CNTNAP2: variants seen among roughly 807,000 people sequenced by gnomAD.
CNTNAP2 encodes contactin associated protein 2, also known as contactin-associated protein-like 2.
Under a neutral mutation model 155.2 loss-of-function variants are expected in CNTNAP2, and 98 were observed. That is an observed-to-expected ratio of 0.63 (90% confidence interval 0.54 to 0.75). The LOEUF is 0.75. Among genes scored for constraint, CNTNAP2 ranks in the 30% least tolerant of loss-of-function variants. The pLI is 0.00. For missense variants in CNTNAP2, 1,727 were observed against 1,688.1 expected, an observed-to-expected ratio of 1.02 and a Z score of -0.40; for synonymous variants, 651 against 631.2, an observed-to-expected ratio of 1.03 and a Z score of -0.47.
chr7:146,787,648 C>A (rs10232105), intron 2 of CNTNAP2, among the ~76,000 whole-genome samples: 26,946 of 152,002 alleles, frequency 0.18, 2,548 homozygotes, highest in South Asian at 0.28. Context: ...CAAACCTTCC[C>A]CCGCGCATGA....
chr7:146,753,285 G>T lies in CNTNAP2; in HGVS notation c.98-20986G>T, dbSNP rs777750701. Among the ~76,000 whole-genome samples, 80 of 151,862 alleles carry T rather than the reference G, an allele frequency of 5.3e-4. 1 individual carries two copies. Among genetic ancestry groups the T allele is most frequent in the Non-Finnish European group, 1.1e-3 (75 of 67,910 alleles). On this transcript the variant is annotated intron_variant, in intron 1 of 23. Coordinates refer to ENST00000361727, the MANE Select transcript of CNTNAP2 (RefSeq NM_014141.6). Reference sequence around the variant, plus strand: ...ACTCAGGAAAAAAAATAGACCAGGTGAGGTTTCCTTACACATTATCCATGC... The same window carrying T: ...ACTCAGGAAAAAAAATAGACCAGGTTAGGTTTCCTTACACATTATCCATGC...
At chr7:146,854,711 G>T (rs762909418) in intron 3 of CNTNAP2, among the ~76,000 whole-genome samples, 2 of 152,130 alleles carry the variant, frequency 1.3e-5, no homozygotes, top group East Asian at 3.9e-4. Flanking sequence ...GATGAAGAGG[G>T]TATTTCTAAA....
rs142143240 is a variant in CNTNAP2 at position 147,092,461 on chromosome 7, C to A, written c.551-15686C>A. 1.1e-4 allele frequency among the ~76,000 whole-genome samples: 16 copies of A among 152,202 alleles called. No individual in the cohort carries two copies. In the East Asian group the frequency reaches 2.9e-3, roughly 28 times the overall value. ...AGAGAAATTCAAGCTATAAATTGTA[C>A]AAAATAATATCTAAAATTCTTATAG... On this transcript the variant is annotated intron_variant, in intron 4 of 23. Transcript: ENST00000361727.
At chr7:146,537,258 ACTGT>A (rs1335544556) in intron 1 of CNTNAP2, among the ~76,000 whole-genome samples, 1 of 152,132 alleles carries the variant, frequency 6.6e-6, no homozygotes, top group Non-Finnish European at 1.5e-5. Context: ...ACACAGAATT[ACTGT>A]CTATTATTAT....
intron 11 of CNTNAP2, among the ~76,000 whole-genome samples, chr7:147,523,943 A>G (rs1799272610): frequency 6.6e-6 from 1 of 152,174 alleles, no homozygotes; most frequent in Admixed American, 6.5e-5. Flanking sequence ...CGGAGGTCAA[A>G]CAGTTTCCTC....
At chr7:147,923,328 C>T (rs1408565044) in intron 14 of CNTNAP2, among the ~76,000 whole-genome samples, 1 of 152,044 alleles carries the variant, frequency 6.6e-6, no homozygotes, top group African/African-American at 2.4e-5. Context: ...CAGGGACAGA[C>T]ACACATGGAG....
chr7:147,657,060 G>A (rs975925384), intron 13 of CNTNAP2, among the ~76,000 whole-genome samples: 1 of 152,202 alleles, frequency 6.6e-6, no homozygotes, highest in Non-Finnish European at 1.5e-5. Flanking sequence ...TACTCAAAAT[G>A]TCCCTGAAGT....
chr7:146,194,122 GTCT>G (rs1298605077), intron 1 of CNTNAP2, among the ~76,000 whole-genome samples: 3 of 152,094 alleles, frequency 2.0e-5, no homozygotes, highest in Admixed American at 2.0e-4. Context: ...ACATTTTCCT[GTCT>G]TCTTCTGAGC....
At chr7:147,027,004 G>GAAAAAAAAAAAAAAAAAAAAAAA (rs57810224) in intron 3 of CNTNAP2, among the ~76,000 whole-genome samples, 9 of 67,406 alleles carry the variant, frequency 1.3e-4, no homozygotes, top group African/African-American at 2.4e-4. Flanking sequence ...AAACAGAACA[G>GAAAAAAAAAAAAAAAAAAAAAAA]AAAAAAAAAA....
At chr7:148,307,363 A>T (rs979886308) in intron 21 of CNTNAP2, among the ~76,000 whole-genome samples, 2 of 151,958 alleles carry the variant, frequency 1.3e-5, no homozygotes, top group African/African-American at 2.4e-5. Flanking sequence ...TCCAGTGGAA[A>T]CTCTTGCCAT....
chr7:147,426,709 T>C (rs1797383279), intron 10 of CNTNAP2, among the ~76,000 whole-genome samples: 1 of 152,180 alleles, frequency 6.6e-6, no homozygotes, highest in African/African-American at 2.4e-5. Context: ...CCCTCATTAA[T>C]CTGTCAGGTT....
chr7:146,544,560 A>AT (rs1334053533), intron 1 of CNTNAP2, among the ~76,000 whole-genome samples: 1 of 151,884 alleles, frequency 6.6e-6, no homozygotes, highest in Admixed American at 6.6e-5. Flanking sequence ...GAATAGTTGT[A>AT]TTTTCCCTTA....
intron 1 of CNTNAP2, among the ~76,000 whole-genome samples, chr7:146,482,378 A>G (rs934091319): frequency 6.8e-6 from 1 of 147,504 alleles, no homozygotes; most frequent in South Asian, 2.1e-4. Context: ...AGAGGGATAT[A>G]TATGTATGTG....
intron 1 of CNTNAP2, among the ~76,000 whole-genome samples, chr7:146,143,033 A>T (rs558466679): frequency 6.6e-6 from 1 of 152,218 alleles, no homozygotes; most frequent in South Asian, 2.1e-4. Flanking sequence ...CTCTCAAATG[A>T]TTTTCCAAAT....
intron 15 of CNTNAP2, among the ~76,000 whole-genome samples, chr7:147,988,371 T>A (rs6950732): frequency 0.27 from 41,617 of 151,928 alleles, 7,730 homozygotes; most frequent in African/African-American, 0.53. Flanking sequence ...GATGCAAAAT[T>A]TCCCCCACAA....
At chr7:146,356,957 G>A (rs1000567580) in intron 1 of CNTNAP2, among the ~76,000 whole-genome samples, 7 of 152,026 alleles carry the variant, frequency 4.6e-5, no homozygotes, top group African/African-American at 1.7e-4. Flanking sequence ...AATTTTGCCA[G>A]TATTTCCCTC....
At chr7:147,785,846 G>A (rs984133325) in intron 13 of CNTNAP2, among the ~76,000 whole-genome samples, 1 of 152,022 alleles carries the variant, frequency 6.6e-6, no homozygotes, top group African/African-American at 2.4e-5. Flanking sequence ...ACAAAAATTA[G>A]CCAGGTGTAG....
intron 12 of CNTNAP2, among the ~76,000 whole-genome samples, chr7:147,610,474 A>G (rs1801161965): frequency 6.6e-6 from 1 of 152,184 alleles, no homozygotes; most frequent in Admixed American, 6.5e-5. Context: ...GCTGTTCTCC[A>G]GGTGCCCTCA....
intron 1 of CNTNAP2, among the ~76,000 whole-genome samples, chr7:146,376,681 G>A (rs541632814): frequency 5.1e-4 from 77 of 151,966 alleles, no homozygotes; most frequent in African/African-American, 1.8e-3. Flanking sequence ...ACATTGTTAC[G>A]GTATAAATGC....
Sources: gnomAD v4.1 joint callset for allele counts (sites outside exome capture counted in the v4.1 genomes callset) on GRCh38, gnomAD v4.1.1 for gene constraint, MANE v1.5 for transcripts, NCBI Gene and HGNC (gene_info 2026-07-23, HGNC 2026-07-21) for gene names.